ACOX3: variants seen among roughly 807,000 people sequenced by gnomAD.
ACOX3 encodes peroxisomal acyl-coenzyme A oxidase 3.
A neutral mutation model predicts 81.5 loss-of-function variants in ACOX3; 73 were observed. The ratio of observed to expected loss-of-function variants is 0.90; its 90% CI spans 0.74 to 1.09. The LOEUF (loss-of-function observed/expected upper bound fraction) is 1.09. Ranked by LOEUF, ACOX3 falls within the 50% of genes least tolerant of loss-of-function variation. The pLI is 0.00. For missense variants in ACOX3, 947 were observed against 928.0 expected (o/e 1.02, Z -0.27); for synonymous variants, 387 against 375.1 (o/e 1.03, Z -0.37).
At chr4:8,411,144 C>T (rs959950910) in intron 5 of ACOX3, among the ~76,000 whole-genome samples, 3 of 152,174 alleles carry the variant, frequency 2.0e-5, no homozygotes, top group Admixed American at 6.5e-5. Context: ...GGCCGGGATC[C>T]GCAAGGGGAC....
intron 5 of ACOX3, 126 bp from the exon 6 acceptor site, chr4:8,410,481 C>T (rs1055543331): frequency 5.4e-6 from 7 of 1,287,912 alleles, no homozygotes; most frequent in African/African-American, 3.0e-5. Context: ...TGAAACTAAT[C>T]GCACATTTTA....
chr4:8,415,177 G>A (rs902187149), intron 3 of ACOX3, among the ~76,000 whole-genome samples: 4 of 152,170 alleles, frequency 2.6e-5, no homozygotes, highest in African/African-American at 7.2e-5. Flanking sequence ...CTACATCTCT[G>A]TGCCGAGCAC....
intron 1 of ACOX3, 97 bp downstream of exon 1, chr4:8,440,551 C>T: frequency 4.8e-6 from 2 of 420,044 alleles, no homozygotes; most frequent in African/African-American, 2.1e-5. Context: ...GAGGACAATG[C>T]GTTCCACACC....
chr4:8,409,800 G>T (rs1721499714), intron 6 of ACOX3, among the ~76,000 whole-genome samples: 2 of 150,104 alleles, frequency 1.3e-5, no homozygotes, highest in African/African-American at 4.9e-5. Flanking sequence ...ACTGTGGGTG[G>T]AGCTGTCTGT....
rs1715790328 is a variant in ACOX3, at chr4:8,368,797, C to T, written c.1984-1717G>A. ...AGGCTGGAGTGCAGTGGCGCGATCA[C>T]TGCCCACCACAGCCTCGACCTCCCC... is the stretch of plus-strand genomic sequence containing the variant. On this transcript the variant is annotated intron_variant, in intron 17 of 17. Transcript: ENST00000356406. This position sits in a 1 kb window ranked among gnomAD's most constrained non-coding sequence, Gnocchi z 5.9. Among the ~76,000 whole-genome samples the T allele has an allele frequency of 6.6e-6, 1 of 151,516 alleles. No individual in the cohort carries two copies. Among genetic ancestry groups the T allele is most frequent in the African/African-American group, 2.4e-5 (1 of 41,152 alleles).
In ACOX3 at chr4:8,431,517, A is replaced by C. The variant is rs372714613; in HGVS notation, c.-15+9131T>G. Among the ~76,000 whole-genome samples the C allele has an allele frequency of 2.0e-4, 31 of 152,142 alleles. No individual in the cohort carries two copies. In the South Asian group the frequency reaches 6.2e-3, roughly 31 times the overall value. ...GGAAGAGAGGAAGGGGTCGTGCTAC[A>C]CTCTGTTGTATTTGGGACCTGGGTG... On this transcript the variant is annotated intron_variant, in intron 1 of 17. Coordinates refer to ENST00000356406, the MANE Select transcript of ACOX3 (RefSeq NM_003501.3). The surrounding 1 kb of genome is among the most constrained non-coding windows in gnomAD (Gnocchi z 5.3).
the ACOX3 span, chr4:8,357,738 G>C: frequency 4.5e-6 from 1 of 222,054 alleles, no homozygotes; most frequent in Admixed American, 5.2e-5. Flanking sequence ...GACCGTGTGT[G>C]GGGGCTGCAC....
chr4:8,399,459 G>T lies in ACOX3; in HGVS notation c.873+97C>A, dbSNP rs906716820. The T allele has an allele frequency of 5.4e-5, 58 of 1,064,470 alleles. 1 individual carries two copies. The Admixed American group carries it at 1.2e-3, about 22-fold the overall frequency. The allele number at this position is 1,064,470 out of a possible 1,614,324, so 65.9% of individuals were successfully genotyped here. A position where few individuals can be genotyped will look rare whatever the true frequency, so the allele number is the denominator to read the frequency against. ...CAGCGACACCTGGCCTACGTGGAGG[G>T]GTCTCCTTTCCAGGTGCAGGGAGGA... On this transcript the variant is annotated intron_variant, in intron 8 of 17. Coordinates refer to ENST00000356406, the MANE Select transcript of ACOX3 (RefSeq NM_003501.3). This position sits in a 1 kb window ranked among gnomAD's most constrained non-coding sequence, Gnocchi z 4.9.
intron 16 of ACOX3, among the ~76,000 whole-genome samples, chr4:8,371,899 A>AAGCACAAAGGCACCCACAG (rs1716259984): frequency 6.6e-6 from 1 of 152,244 alleles, no homozygotes; most frequent in Non-Finnish European, 1.5e-5. Flanking sequence ...TGTGCCGTGG[A>AAGCACAAAGGCACCCACAG]AGCACAAAGG....
Position 8,394,546 on chromosome 4 carries a change from T to C in ACOX3, c.1179+74A>G. The C allele has an allele frequency of 1.3e-6, 2 of 1,562,804 alleles. No homozygotes were observed. The highest frequency in any genetic ancestry group is 1.7e-6 in the Non-Finnish European group (2 of 1,151,218). ...TCAAAGGACTGATTTTGCTTTGAAA[T>C]GAAGGTTGAATCTATGCTGCTCCAA... On this transcript the variant is annotated intron_variant, in intron 10 of 17. Coordinates refer to ENST00000356406, the MANE Select transcript of ACOX3 (RefSeq NM_003501.3). This position sits in a 1 kb window ranked among gnomAD's most constrained non-coding sequence, Gnocchi z 5.9.
At chr4:8,371,044 G>A in intron 16 of ACOX3, 50 bp from the exon 17 acceptor site, 1 of 1,569,274 alleles carries the variant, frequency 6.4e-7, no homozygotes, top group Non-Finnish European at 8.8e-7. Flanking sequence ...GAATTTCCAT[G>A]GTGACCAAAG....
Position 8,389,215 on chromosome 4 carries a change from T to C in ACOX3, c.1495A>G (p.Lys499Glu). 5 of 1,613,868 alleles carry C rather than the reference T, an allele frequency of 3.1e-6. No individual in the cohort carries two copies. Among genetic ancestry groups the C allele is most frequent in the Non-Finnish European group, 4.2e-6 (5 of 1,179,962 alleles). ...LDAYPGILDQ[K>E]FEVSSVADCL... ...TCGGCAACACTGGAGACCTCAAACTTCTGGTCAAGGATGCCGGGATAGGCG... is the reference window on the plus strand; with the variant it reads ...TCGGCAACACTGGAGACCTCAAACTCCTGGTCAAGGATGCCGGGATAGGCG... The change falls in exon 13 of 18, where the codon AAG (lysine) becomes GAG (glutamate). Residue 499 changes from lysine (K) to glutamate (E), a missense_variant. Lys to Glu is a moderately conservative substitution (Grantham distance 56). Coordinates refer to ENST00000356406, the MANE Select transcript of ACOX3 (RefSeq NM_003501.3). The surrounding 1 kb of genome is among the most constrained non-coding windows in gnomAD (Gnocchi z 5.3).
intron 1 of ACOX3, chr4:8,438,771 G>T (rs551198923): frequency 6.6e-6 from 1 of 152,196 alleles, no homozygotes; most frequent in Non-Finnish European, 1.5e-5. Flanking sequence ...GCTGTTAAAA[G>T]TTGCAGGTGT....
intron 15 of ACOX3, chr4:8,374,086 C>T (rs2280572): frequency 0.65 from 122,708 of 190,242 alleles, 40,833 homozygotes; most frequent in African/African-American, 0.83. Flanking sequence ...ACTCAGAGGC[C>T]GCAGGGGGAC....
chr4:8,435,503 A>G (rs951485120), intron 1 of ACOX3, among the ~76,000 whole-genome samples: 1 of 152,032 alleles, frequency 6.6e-6, no homozygotes, highest in African/African-American at 2.4e-5. Flanking sequence ...CTCAAAAAAA[A>G]GAAAAAAAAA....
Position 8,416,358 on chromosome 4 carries a change from C to T in ACOX3, c.144+20G>A, listed in dbSNP as rs567976579. 6.2e-6 allele frequency: 10 copies of T among 1,614,068 alleles called. No homozygotes were observed. The East Asian group carries it at 8.9e-5, about 14-fold the overall frequency. On this transcript the variant is annotated intron_variant, in intron 2 of 17. Coordinates refer to ENST00000356406, the MANE Select transcript of ACOX3 (RefSeq NM_003501.3). This position sits in a 1 kb window ranked among gnomAD's most constrained non-coding sequence, Gnocchi z 4.2. ...CCCCACTGGGAAAAAAGACAAGCTG[C>T]GCACAACCGCACGCCTCACCTTAAA...
At chr4:8,420,058 G>A (rs1043655686) in intron 1 of ACOX3, among the ~76,000 whole-genome samples, 10 of 152,166 alleles carry the variant, frequency 6.6e-5, no homozygotes, top group Non-Finnish European at 1.3e-4. Flanking sequence ...GACCTCAACT[G>A]TGCCCACCAA....
Position 8,394,431 on chromosome 4 carries a change from G to A in ACOX3, c.1179+189C>T, listed in dbSNP as rs1719432590. 6.6e-6 allele frequency among the ~76,000 whole-genome samples: 1 copy of A among 152,268 alleles called. No homozygotes were observed. Among genetic ancestry groups the A allele is most frequent in the African/African-American group, 2.4e-5 (1 of 41,470 alleles). On this transcript the variant is annotated intron_variant, in intron 10 of 17. Transcript: ENST00000356406. This position sits in a 1 kb window ranked among gnomAD's most constrained non-coding sequence, Gnocchi z 5.9. ...CAGCACATCCTTGAGAGGCAGGGGT[G>A]TGGACGCGTGCCCAGCCCGTTCAAT...
the ACOX3 span, chr4:8,356,852 G>T: frequency 1.8e-5 from 8 of 456,374 alleles, no homozygotes; most frequent in East Asian, 5.6e-4. Context: ...AAAGTGTGCA[G>T]AACGGTGCAC....
Sources: allele counts gnomAD v4.1 joint callset (sites outside exome capture counted in the v4.1 genomes callset), GRCh38; gene constraint gnomAD v4.1.1; non-coding constraint Gnocchi (gnomAD v3.1); transcripts MANE v1.5; gene names NCBI Gene and HGNC (gene_info 2026-07-23, HGNC 2026-07-21).